The following PDXDC1 variants were observed in gnomAD, a reference collection of about 807,000 sequenced individuals.
The protein encoded by PDXDC1 is pyridoxal dependent decarboxylase domain containing 1, also known as pyridoxal-dependent decarboxylase domain-containing protein 1.
PDXDC1 carries 42 observed loss-of-function variants against 100.1 expected under a neutral mutation model. The observed-to-expected ratio is 0.42, with a 90% confidence interval of 0.33 to 0.54. The LOEUF (loss-of-function observed/expected upper bound fraction) is 0.54. Ranked by LOEUF, PDXDC1 falls within the 20% of genes least tolerant of loss-of-function variation. PDXDC1 has a pLI of 0.10. For missense variants in PDXDC1, 636 were observed against 979.2 expected, an observed-to-expected ratio of 0.65 and a Z score of 4.68; for synonymous variants, 260 against 371.7, an observed-to-expected ratio of 0.70 and a Z score of 3.46.
At chr16:15,104,171 T>C (rs2046674026) in intron 16 of PDXDC1, 7 of 682,004 alleles carry the variant, frequency 1.0e-5, no homozygotes, top group Non-Finnish European at 1.2e-5. Context: ...AACTCCAGTC[T>C]CAAAAAAAAA....
intron 16 of PDXDC1, chr16:15,063,368 A>G: frequency 3.0e-6 from 3 of 1,010,732 alleles, no homozygotes; most frequent in Non-Finnish European, 4.7e-6. Context: ...CACAAGATCT[A>G]TTACCCAAAA....
intron 16 of PDXDC1, among the ~76,000 whole-genome samples, chr16:15,072,373 T>C (rs1033158510): frequency 6.6e-6 from 1 of 152,160 alleles, no homozygotes; most frequent in Non-Finnish European, 1.5e-5. Flanking sequence ...ATACAGTTAA[T>C]TACCCCATAT....
intron 16 of PDXDC1, chr16:15,125,604 C>A (rs945917003): frequency 2.3e-4 from 278 of 1,230,424 alleles, no homozygotes; most frequent in Non-Finnish European, 3.1e-4. Context: ...CAAAGGCCTG[C>A]TGAGAGGTGC....
the PDXDC1 span, among the ~76,000 whole-genome samples, chr16:15,149,766 C>G: frequency 6.6e-6 from 1 of 152,100 alleles, no homozygotes; most frequent in African/African-American, 2.4e-5. Context: ...GACCCCCAGC[C>G]AGGGTGAGTG....
At chr16:15,065,274 T>C (rs1379776085) in intron 16 of PDXDC1, 3 of 1,613,792 alleles carry the variant, frequency 1.9e-6, no homozygotes, top group Non-Finnish European at 2.5e-6. Context: ...TTTGTGCAGA[T>C]CTGCACTGAG....
intron 16 of PDXDC1, chr16:15,126,947 C>T (rs1457691813): frequency 1.9e-5 from 5 of 267,110 alleles, no homozygotes; most frequent in African/African-American, 4.5e-5. Context: ...CGTGAGCCAC[C>T]GTGCCTGGTC....
intron 16 of PDXDC1, chr16:15,084,760 C>A: frequency 8.2e-7 from 1 of 1,217,356 alleles, no homozygotes; most frequent in Non-Finnish European, 1.2e-6. Context: ...AAGGGCGACA[C>A]GCTTGAAGCT....
intron 1 of PDXDC1, among the ~76,000 whole-genome samples, chr16:14,994,193 T>C (rs1971481460): frequency 6.6e-6 from 1 of 152,272 alleles, no homozygotes; most frequent in African/African-American, 2.4e-5. Context: ...CTTTTGGTGG[T>C]TTATACATGA....
intron 3 of PDXDC1, among the ~76,000 whole-genome samples, chr16:14,999,249 T>C (rs1245863507): frequency 1.3e-5 from 2 of 152,282 alleles, no homozygotes; most frequent in Admixed American, 6.5e-5. Context: ...GTATTTTTAG[T>C]AGAGACGGGG....
At chr16:15,021,844 C>T (rs2042233226) in intron 12 of PDXDC1, among the ~76,000 whole-genome samples, 1 of 152,302 alleles carries the variant, frequency 6.6e-6, no homozygotes, top group African/African-American at 2.4e-5. Context: ...TTCTCTTCTC[C>T]CTCTCTTCTT....
intron 16 of PDXDC1, chr16:15,076,561 A>G: frequency 6.2e-7 from 1 of 1,605,074 alleles, no homozygotes; most frequent in Non-Finnish European, 8.5e-7. Flanking sequence ...TGCTAACCAT[A>G]TTAAACAATC....
At chr16:14,992,520 C>T (rs1240778759) in intron 1 of PDXDC1, among the ~76,000 whole-genome samples, 1 of 152,298 alleles carries the variant, frequency 6.6e-6, no homozygotes, top group Non-Finnish European at 1.5e-5. Flanking sequence ...TCATATTCCT[C>T]ATTCTCTTCA....
chr16:15,015,038 C>T (rs1209958353), intron 8 of PDXDC1, among the ~76,000 whole-genome samples: 56 of 152,218 alleles, frequency 3.7e-4, no homozygotes, highest in Middle Eastern at 3.2e-3. Context: ...CCCAGGTTCA[C>T]GCCATTCTCC....
At chr16:15,122,285 A>G (rs903443885) in intron 16 of PDXDC1, among the ~76,000 whole-genome samples, 7 of 149,310 alleles carry the variant, frequency 4.7e-5, no homozygotes, top group Non-Finnish European at 1.5e-5. Context: ...ATCTCGGCTC[A>G]CTGCAACGTC....
intron 16 of PDXDC1, among the ~76,000 whole-genome samples, chr16:15,054,485 C>A (rs996426947): frequency 6.6e-6 from 1 of 152,178 alleles, no homozygotes; most frequent in African/African-American, 2.4e-5. Context: ...ATTATTTTTC[C>A]TTGGTGAGTC....
At chr16:14,977,429 G>T (rs1456111362) in intron 1 of PDXDC1, among the ~76,000 whole-genome samples, 10 of 152,364 alleles carry the variant, frequency 6.6e-5, no homozygotes, top group African/African-American at 2.4e-4. Flanking sequence ...ACAGGCGTGT[G>T]ACACCACACC....
rs1388741224 is a variant in PDXDC1 at position 15,038,264 on chromosome 16, G to A, written c.*1989G>A. On this transcript the variant is annotated 3_prime_UTR_variant, in exon 23 of 23. Coordinates refer to ENST00000396410, the MANE Select transcript of PDXDC1 (RefSeq NM_015027.4). ...GAAGCCAACCTTACTGTCCCCTGCT[G>A]TGATAAAGATGTCAAAGTATCTTTG... is the stretch of plus-strand genomic sequence containing the variant. The A allele has an allele frequency of 1.6e-6, 2 of 1,251,294 alleles. No homozygotes were observed. The highest frequency in any genetic ancestry group is 4.7e-5 in the East Asian group (2 of 42,540). The allele number at this position is 1,251,294 out of a possible 1,614,324, so 77.5% of individuals were successfully genotyped here.
chr16:15,020,682 T>TA (rs1202569342), intron 12 of PDXDC1, among the ~76,000 whole-genome samples: 46 of 151,710 alleles, frequency 3.0e-4, no homozygotes, highest in African/African-American at 1.1e-3. Flanking sequence ...CTCAGTCTTT[T>TA]AAAAAAAGAA....
At chr16:15,022,178 A>C (rs1478235981) in intron 12 of PDXDC1, among the ~76,000 whole-genome samples, 1 of 152,290 alleles carries the variant, frequency 6.6e-6, no homozygotes, top group Non-Finnish European at 1.5e-5. Context: ...CCTGTATTGC[A>C]TATCAACTCA....
Sources: allele counts gnomAD v4.1 joint callset (sites outside exome capture counted in the v4.1 genomes callset), GRCh38; gene constraint gnomAD v4.1.1; transcripts MANE v1.5; gene names NCBI Gene and HGNC (gene_info 2026-07-23, HGNC 2026-07-21).